The following OLFML1 variants were observed in gnomAD, a reference collection of about 807,000 sequenced individuals.
OLFML1 encodes the protein olfactomedin like 1.
In OLFML1, 33 loss-of-function variants were observed where a neutral mutation model predicts 37.3. That is an observed-to-expected ratio of 0.88 (90% CI 0.67 to 1.18). The LOEUF (loss-of-function observed/expected upper bound fraction) is 1.18. Ranked by LOEUF, OLFML1 falls within the 50% of genes most tolerant of loss-of-function variation. The pLI is 0.00. For missense variants in OLFML1, 545 were observed against 483.7 expected, an observed-to-expected ratio of 1.13 and a Z score of -1.19; for synonymous variants, 186 against 181.3, an observed-to-expected ratio of 1.03 and a Z score of -0.21.
At chr11:7,504,818 T>C (rs2134185505) in intron 2 of OLFML1, 1 of 152,518 alleles carries the variant, frequency 6.6e-6, no homozygotes, top group East Asian at 1.9e-4. Context: ...TCCTGTCCAG[T>C]CTTCTTTCCT....
chr11:7,508,719 G>A (rs2134189048), intron 2 of OLFML1, among the ~76,000 whole-genome samples: 1 of 152,302 alleles, frequency 6.6e-6, no homozygotes, highest in South Asian at 2.1e-4. Flanking sequence ...TTATAACGTT[G>A]CAGTCGTGTT....
At chr11:7,489,475 C>G (rs1848569433) in intron 2 of OLFML1, among the ~76,000 whole-genome samples, 2 of 151,914 alleles carry the variant, frequency 1.3e-5, no homozygotes, top group African/African-American at 2.4e-5. Context: ...AAGAGCTCAG[C>G]AGGACCCAGT....
intron 2 of OLFML1, among the ~76,000 whole-genome samples, chr11:7,493,866 G>C (rs1195009299): frequency 1.3e-5 from 2 of 151,840 alleles, no homozygotes; most frequent in Non-Finnish European, 2.9e-5. Flanking sequence ...TTGGCATTGT[G>C]CCAGGCATTA....
At chr11:7,497,178 T>C (rs1848673098) in intron 2 of OLFML1, among the ~76,000 whole-genome samples, 1 of 152,184 alleles carries the variant, frequency 6.6e-6, no homozygotes, top group Non-Finnish European at 1.5e-5. Context: ...TAGGTTTTGT[T>C]GAGGTTGGTT....
rs780980321 is a variant in OLFML1, at chr11:7,510,117, C to G, written c.1138C>G (p.Leu380Val). 18 of 1,614,152 alleles carry G rather than the reference C, an allele frequency of 1.1e-5. No homozygotes were observed. The highest frequency in any genetic ancestry group is 1.6e-4 in the Middle Eastern group (1 of 6,062). ...MIHYNPRDKQLYAWNEGNQII... is the reference protein window; with the variant it reads ...MIHYNPRDKQVYAWNEGNQII... ...CCATTACAACCCCAGAGATAAGCAG[C>G]TCTATGCCTGGAATGAAGGAAACCA... The change falls in exon 3 of 3, where the codon CTC (leucine) becomes GTC (valine). Residue 380 changes from leucine (L) to valine (V), a missense_variant. Coordinates refer to ENST00000329293, the MANE Select transcript of OLFML1 (RefSeq NM_198474.4).
chr11:7,494,648 G>T (rs377554347), intron 2 of OLFML1, among the ~76,000 whole-genome samples: 63 of 152,318 alleles, frequency 4.1e-4, no homozygotes, highest in African/African-American at 1.4e-3. Context: ...CTCAGAGGAG[G>T]TGCATTCTGG....
intron 2 of OLFML1, among the ~76,000 whole-genome samples, chr11:7,503,417 C>T (rs1044861635): frequency 2.0e-5 from 3 of 152,132 alleles, no homozygotes; most frequent in South Asian, 4.1e-4. Flanking sequence ...AAGTACTGAT[C>T]AAATAATCAA....
chr11:7,510,250 C>A lies in OLFML1; in HGVS notation c.*62C>A. 1 of 1,309,702 alleles carries A rather than the reference C, an allele frequency of 7.6e-7. No homozygotes were observed. Among genetic ancestry groups the A allele is most frequent in the Non-Finnish European group, 1.0e-6 (1 of 955,548 alleles). 81.1% of individuals were successfully genotyped at this position (1,309,702 alleles called of 1,614,324 possible). A position where few individuals can be genotyped will look rare whatever the true frequency, so the allele number is the denominator to read the frequency against. ...GCAGCTGTTCTACAGGACAGTGAGG[C>A]TATAGCCCCTTCACAATATAGTATC... is the stretch of plus-strand genomic sequence containing the variant. On this transcript the variant is annotated 3_prime_UTR_variant, in exon 3 of 3. Transcript: ENST00000329293.
At chr11:7,507,995 G>C (rs11041423) in intron 2 of OLFML1, among the ~76,000 whole-genome samples, 20,281 of 152,272 alleles carry the variant, frequency 0.13, 1,453 homozygotes, top group Non-Finnish European at 0.16. Flanking sequence ...AGAGAAAGCT[G>C]CCTCTGAAGT....
At chr11:7,503,705 A>G (rs1590062608) in intron 2 of OLFML1, among the ~76,000 whole-genome samples, 1 of 152,186 alleles carries the variant, frequency 6.6e-6, no homozygotes, top group African/African-American at 2.4e-5. Flanking sequence ...TCCAATAGGG[A>G]GGAAGAGACT....
intron 2 of OLFML1, among the ~76,000 whole-genome samples, chr11:7,491,524 G>A (rs1177071791): frequency 6.6e-6 from 1 of 152,176 alleles, no homozygotes; most frequent in East Asian, 1.9e-4. Context: ...GTGTCTCCTC[G>A]ATTTATTATT....
chr11:7,503,484 A>G (rs1460639998), intron 2 of OLFML1, among the ~76,000 whole-genome samples: 2 of 152,224 alleles, frequency 1.3e-5, no homozygotes, highest in Non-Finnish European at 2.9e-5. Flanking sequence ...GGATTTGCCA[A>G]CATGGAGGCT....
At chr11:7,504,172 A>C (rs1448321374) in intron 2 of OLFML1, among the ~76,000 whole-genome samples, 1 of 152,130 alleles carries the variant, frequency 6.6e-6, no homozygotes, top group Non-Finnish European at 1.5e-5. Flanking sequence ...ACAGGCATAA[A>C]GGCAGCAAGG....
In OLFML1 at chr11:7,509,925, G is replaced by T; in HGVS notation, c.946G>T (p.Asp316Tyr). Residue 316 changes from aspartate to tyrosine, a missense_variant, in exon 3 of 3, where the codon GAT becomes TAT. Coordinates refer to ENST00000329293, the MANE Select transcript of OLFML1 (RefSeq NM_198474.4). ...ATGGGATACCCCATGCAGAAGCCAG[G>T]ATGCTGAAGCCTCATTCCTCTTGTG... ...HSWDTPCRSQDAEASFLLCGV... is the reference protein window; with the variant it reads ...HSWDTPCRSQYAEASFLLCGV... The T allele has an allele frequency of 2.5e-6, 4 of 1,614,260 alleles. No individual in the cohort carries two copies. Among genetic ancestry groups the T allele is most frequent in the Non-Finnish European group, 3.4e-6 (4 of 1,180,050 alleles).
chr11:7,504,991 A>G (rs1005229003), intron 2 of OLFML1: 8 of 150,678 alleles, frequency 5.3e-5, no homozygotes, highest in African/African-American at 2.0e-4. Flanking sequence ...GCAGTGGCAC[A>G]ATCTGAGCTC....
At chr11:7,503,076 G>A (rs1848742378) in intron 2 of OLFML1, among the ~76,000 whole-genome samples, 1 of 152,168 alleles carries the variant, frequency 6.6e-6, no homozygotes, top group African/African-American at 2.4e-5. Flanking sequence ...GTTCTGCTTT[G>A]GACAGGTTAA....
At chr11:7,490,487 G>A (rs544699933) in intron 2 of OLFML1, among the ~76,000 whole-genome samples, 1 of 152,200 alleles carries the variant, frequency 6.6e-6, no homozygotes, top group African/African-American at 2.4e-5. Context: ...TCTGGTCCCT[G>A]GATACTCTCA....
intron 2 of OLFML1, among the ~76,000 whole-genome samples, chr11:7,497,241 T>C (rs979664909): frequency 1.3e-5 from 2 of 152,164 alleles, no homozygotes; most frequent in Non-Finnish European, 2.9e-5. Context: ...ATTGTAATAA[T>C]ATGTACCAGA....
chr11:7,508,804 A>G (rs532063118), intron 2 of OLFML1, among the ~76,000 whole-genome samples: 1 of 152,350 alleles, frequency 6.6e-6, no homozygotes, highest in African/African-American at 2.4e-5. Context: ...CTCAATACTT[A>G]GCACCATTCT....
Sources: allele counts gnomAD v4.1 joint callset (sites outside exome capture counted in the v4.1 genomes callset), GRCh38; gene constraint gnomAD v4.1.1; transcripts MANE v1.5; gene names NCBI Gene and HGNC (gene_info 2026-07-23, HGNC 2026-07-21).